RXYLT1: variants seen among roughly 807,000 people sequenced by gnomAD.
The protein encoded by RXYLT1 is ribitol xylosyltransferase 1, also known as ribitol-5-phosphate xylosyltransferase 1.
A neutral mutation model predicts 43.5 loss-of-function variants in RXYLT1; 41 were observed. The observed-to-expected ratio is 0.94, with a 90% CI of 0.73 to 1.22. The LOEUF (loss-of-function observed/expected upper bound fraction) is 1.22. Among genes scored for constraint, RXYLT1 ranks in the 50% most tolerant of loss-of-function variants. RXYLT1 has a pLI of 0.00. For synonymous variants in RXYLT1, 166 were observed against 194.4 expected (o/e 0.85, Z 1.21); for missense variants, 514 against 532.0 (o/e 0.97, Z 0.33).
intron 3 of RXYLT1, among the ~76,000 whole-genome samples, chr12:63,791,941 G>A (rs1897926788): frequency 6.6e-6 from 1 of 152,170 alleles, no homozygotes; most frequent in Non-Finnish European, 1.5e-5. Flanking sequence ...CTTACTATGT[G>A]TGAGACACTA....
At chr12:63,781,325 C>T in intron 2 of RXYLT1, 151 bp downstream of exon 2, 1 of 756,960 alleles carries the variant, frequency 1.3e-6, no homozygotes. Flanking sequence ...TTCCTTTCTC[C>T]TTCCAATTAG....
At chr12:63,801,038 A>C in intron 3 of RXYLT1, among the ~76,000 whole-genome samples, 1 of 152,158 alleles carries the variant, frequency 6.6e-6, no homozygotes, top group Admixed American at 6.5e-5. Context: ...AAAAAAATTA[A>C]ATACTTTCAA....
chr12:63,802,477 A>T, intron 4 of RXYLT1, 72 bp downstream of exon 4: 1 of 1,384,944 alleles, frequency 7.2e-7, no homozygotes. Flanking sequence ...GACTTATTCA[A>T]AATTGTAATA....
At chr12:63,786,409 C>G (rs972727463) in intron 3 of RXYLT1, among the ~76,000 whole-genome samples, 1 of 151,978 alleles carries the variant, frequency 6.6e-6, no homozygotes, top group African/African-American at 2.4e-5. Flanking sequence ...CAAGCAAATA[C>G]TGCAATAAAG....
At chr12:63,799,499 T>G (rs1197381533) in intron 3 of RXYLT1, among the ~76,000 whole-genome samples, 1 of 151,834 alleles carries the variant, frequency 6.6e-6, no homozygotes. Context: ...CCATATTGTG[T>G]AGGCTGGTCT....
intron 4 of RXYLT1, chr12:63,804,063 G>A (rs927324354): frequency 6.6e-6 from 1 of 152,194 alleles, no homozygotes; most frequent in Non-Finnish European, 1.5e-5. Flanking sequence ...ATGTTGGCCA[G>A]GCTGGTCTCA....
At chr12:63,791,488 A>C (rs531222436) in intron 3 of RXYLT1, among the ~76,000 whole-genome samples, 1 of 152,350 alleles carries the variant, frequency 6.6e-6, no homozygotes, top group East Asian at 1.9e-4. Context: ...GTCAGATGGC[A>C]TTTTTAGAAT....
Position 63,809,193 on chromosome 12 carries a change from C to A in RXYLT1, c.*101C>A. On this transcript the variant is annotated 3_prime_UTR_variant, in exon 6 of 6. Coordinates refer to ENST00000261234, the MANE Select transcript of RXYLT1 (RefSeq NM_014254.3). ...GTATTTATAGATGTTCTTTAAGGTA[C>A]CCTTGAAAACTCTACATTATGTATG... 5.8e-6 allele frequency: 5 copies of A among 856,512 alleles called. No homozygotes were observed. Among genetic ancestry groups the A allele is most frequent in the Non-Finnish European group, 8.7e-6 (5 of 575,256 alleles). 53.1% of individuals were successfully genotyped at this position (856,512 alleles called of 1,614,324 possible).
rs375524047 is a variant in RXYLT1 at position 63,781,012 on chromosome 12, A to G, written c.170-7A>G. The stretch of plus-strand genomic sequence containing the variant: ...TTACTGGTAAACACTTACTCTTTTT[A>G]AAACAGAACAGTCCACTTTGGAAAG... On this transcript the variant is annotated splice_polypyrimidine_tract_variant and splice_region_variant and intron_variant, in intron 1 of 5. Transcript: ENST00000261234. 2 of 1,571,572 alleles carry G rather than the reference A, an allele frequency of 1.3e-6. No individual in the cohort carries two copies. Among genetic ancestry groups the G allele is most frequent in the African/African-American group, 2.8e-5 (2 of 71,808 alleles).
At chr12:63,787,876 C>T (rs369701855) in intron 3 of RXYLT1, among the ~76,000 whole-genome samples, 2 of 152,158 alleles carry the variant, frequency 1.3e-5, no homozygotes, top group South Asian at 2.1e-4. Flanking sequence ...GTGATCCACC[C>T]GCTTCAGCCT....
intron 4 of RXYLT1, among the ~76,000 whole-genome samples, chr12:63,803,127 G>C (rs1229111624): frequency 8.5e-6 from 1 of 117,504 alleles, no homozygotes; most frequent in Admixed American, 1.2e-4. Context: ...ATTGAGCTGA[G>C]ATTGTACCAC....
At chr12:63,783,899 A>T (rs1897743269) in intron 2 of RXYLT1, among the ~76,000 whole-genome samples, 1 of 152,120 alleles carries the variant, frequency 6.6e-6, no homozygotes. Context: ...CTTACCGTTT[A>T]GAGTTTCTAG....
intron 3 of RXYLT1, among the ~76,000 whole-genome samples, chr12:63,799,638 T>C (rs1898114819): frequency 6.6e-6 from 1 of 152,102 alleles, no homozygotes; most frequent in East Asian, 1.9e-4. Context: ...ATGGACTTAA[T>C]GTCAAATAAC....
intron 1 of RXYLT1, chr12:63,780,505 A>C: frequency 3.7e-6 from 4 of 1,067,086 alleles, no homozygotes; most frequent in East Asian, 8.3e-5. Flanking sequence ...GCCCTCTCTA[A>C]TCCTGCAGTG....
chr12:63,802,347 T>C lies in RXYLT1; in HGVS notation c.685T>C (p.Tyr229His), dbSNP rs868255015. The change falls in exon 4 of 6, where the codon TAT becomes CAT. Residue 229 changes from tyrosine to histidine, a missense_variant. Transcript: ENST00000261234. ...CTTCGTGGAGCTGCTTTTCATAATA[T>C]ATGACAGCCCCTGGATTAATGACGT... ...GGFVELLFII[Y>H]DSPWINDVDV... 1 of 1,609,420 alleles carries C rather than the reference T, an allele frequency of 6.2e-7. No individual in the cohort carries two copies.
At chr12:63,801,062 C>G (rs969666316) in intron 3 of RXYLT1, among the ~76,000 whole-genome samples, 8 of 152,112 alleles carry the variant, frequency 5.3e-5, no homozygotes, top group African/African-American at 1.9e-4. Flanking sequence ...GGGTAAAGCT[C>G]CCTTTGTACT....
At chr12:63,788,064 G>A (rs752635987) in intron 3 of RXYLT1, among the ~76,000 whole-genome samples, 2 of 152,180 alleles carry the variant, frequency 1.3e-5, no homozygotes, top group Non-Finnish European at 2.9e-5. Context: ...GGGTGACCAG[G>A]TGCATTGTCA....
intron 3 of RXYLT1, among the ~76,000 whole-genome samples, chr12:63,801,464 T>C (rs1422441492): frequency 6.6e-6 from 1 of 152,194 alleles, no homozygotes; most frequent in African/African-American, 2.4e-5. Context: ...TATTCAATTA[T>C]ATTTCTTTGC....
intron 4 of RXYLT1, 52 bp downstream of exon 4, chr12:63,802,457 G>C: frequency 1.4e-6 from 2 of 1,462,592 alleles, no homozygotes; most frequent in Non-Finnish European, 9.2e-7. Flanking sequence ...CTGAATTTCT[G>C]AACCAGGAAG....
Sources: gnomAD v4.1 joint callset for allele counts (sites outside exome capture counted in the v4.1 genomes callset) on GRCh38, gnomAD v4.1.1 for gene constraint, MANE v1.5 for transcripts, NCBI Gene and HGNC (gene_info 2026-07-23, HGNC 2026-07-21) for gene names.